The following COL22A1 variants were observed in gnomAD, a reference collection of about 807,000 sequenced individuals.
The protein encoded by COL22A1 is collagen alpha-1(XXII) chain.
Under a neutral mutation model 248.9 loss-of-function variants are expected in COL22A1, and 221 were observed. The observed-to-expected ratio is 0.89, with a 90% CI of 0.80 to 0.99. The LOEUF (loss-of-function observed/expected upper bound fraction) is 0.99, where lower values mean the gene tolerates loss of function less well. COL22A1 is among the 50% of genes least tolerant of loss of function. COL22A1 has a pLI of 0.00. For synonymous variants in COL22A1, 891 were observed against 793.4 expected, an observed-to-expected ratio of 1.12 and a Z score of -2.07; for missense variants, 2,240 against 2,179.0, an observed-to-expected ratio of 1.03 and a Z score of -0.56.
chr8:138,794,911 G>A (rs1299477554), intron 12 of COL22A1, among the ~76,000 whole-genome samples: 2 of 152,038 alleles, frequency 1.3e-5, no homozygotes, highest in African/African-American at 2.4e-5. Context: ...TGGGGGAGAG[G>A]AAATGGGGAG....
chr8:138,707,960 G>T (rs1300778102), intron 30 of COL22A1, among the ~76,000 whole-genome samples: 1 of 152,102 alleles, frequency 6.6e-6, no homozygotes, highest in Non-Finnish European at 1.5e-5. Context: ...AAATCAACGT[G>T]CAAAAATCAC....
At chr8:138,837,387 C>T (rs1214346012) in intron 4 of COL22A1, among the ~76,000 whole-genome samples, 2 of 152,206 alleles carry the variant, frequency 1.3e-5, no homozygotes, top group Non-Finnish European at 2.9e-5. Context: ...GGGAGACATT[C>T]ACCAAATGCA....
intron 33 of COL22A1, 76 bp from the exon 34 acceptor site, chr8:138,694,637 T>C (rs1423123425): frequency 5.2e-5 from 78 of 1,498,088 alleles, no homozygotes; most frequent in Non-Finnish European, 6.7e-5. Context: ...GCGGGGACGT[T>C]GCAATGGGTA....
chr8:138,811,296 T>C (rs9692820), intron 9 of COL22A1, among the ~76,000 whole-genome samples: 2,505 of 141,514 alleles, frequency 0.018, 38 homozygotes, highest in African/African-American at 0.031. Context: ...CACACACACA[T>C]ATATATATAC....
intron 7 of COL22A1, among the ~76,000 whole-genome samples, chr8:138,813,371 G>C (rs569710194): frequency 6.6e-6 from 1 of 152,278 alleles, no homozygotes; most frequent in South Asian, 2.1e-4. Context: ...AGTGTCACGA[G>C]ATCTGATGGT....
At chr8:138,771,396 C>T (rs1436609740) in intron 16 of COL22A1, among the ~76,000 whole-genome samples, 2 of 152,342 alleles carry the variant, frequency 1.3e-5, no homozygotes, top group East Asian at 3.9e-4. Flanking sequence ...TTCTAACAGG[C>T]CACAGGGCAT....
chr8:138,849,580 C>T (rs1041083893), intron 3 of COL22A1, among the ~76,000 whole-genome samples: 33 of 152,350 alleles, frequency 2.2e-4, no homozygotes, highest in African/African-American at 7.9e-4. Context: ...TCAACTGCCT[C>T]AGGTCACCCA....
intron 6 of COL22A1, among the ~76,000 whole-genome samples, chr8:138,822,631 C>T (rs1472039946): frequency 6.6e-6 from 1 of 152,138 alleles, no homozygotes; most frequent in African/African-American, 2.4e-5. Context: ...GCTCCCTGCT[C>T]CCAGGATCTG....
At position 138,684,345 on chromosome 8, in the gene COL22A1, G is replaced by A. The variant is rs954599174; in HGVS notation, c.3012+80C>T. 2.0e-5 allele frequency: 18 copies of A among 886,988 alleles called. No individual in the cohort carries two copies. In the African/African-American group the frequency reaches 2.9e-4, roughly 15 times the overall value. 54.9% of individuals were successfully genotyped at this position (886,988 alleles called of 1,614,324 possible). A position where few individuals can be genotyped will look rare whatever the true frequency, so the allele number is the denominator to read the frequency against. ...ATGGAAGTGGACTGAGGTAACCGGA[G>A]ATGCTTATAATCAATTTTTCCACGT... On this transcript the variant is annotated intron_variant, in intron 39 of 64. Transcript: ENST00000303045.
intron 21 of COL22A1, among the ~76,000 whole-genome samples, chr8:138,753,219 C>T (rs1404810016): frequency 1.3e-5 from 2 of 152,308 alleles, no homozygotes; most frequent in East Asian, 3.9e-4. Flanking sequence ...ACACCTGCCG[C>T]AGGGCTAGCT....
chr8:138,806,330 GTGA>G (rs1817728189), intron 10 of COL22A1, among the ~76,000 whole-genome samples: 1 of 151,770 alleles, frequency 6.6e-6, no homozygotes, highest in Non-Finnish European at 1.5e-5. Flanking sequence ...GTGTGTGTGT[GTGA>G]TGGTTTGTGT....
At chr8:138,715,965 C>T (rs1002338148) in intron 29 of COL22A1, among the ~76,000 whole-genome samples, 1 of 152,166 alleles carries the variant, frequency 6.6e-6, no homozygotes, top group Non-Finnish European at 1.5e-5. Context: ...ACAGATGGTG[C>T]CTTCCACCCC....
chr8:138,596,808 TTTC>T (rs779407857), intron 62 of COL22A1, 93 bp downstream of exon 62: 196 of 1,164,232 alleles, frequency 1.7e-4, no homozygotes, highest in Non-Finnish European at 2.2e-4. Context: ...GTCAAGTGCT[TTTC>T]TTATTCCAGG....
rs115563116 is a variant in COL22A1, at chr8:138,909,159, T to G, written c.-73+4460A>C. The stretch of plus-strand genomic sequence containing the variant: ...AGCTTGTGGCTGTTTTATTTGTACT[T>G]GTGTTTTATTTTGTTTTATTATAGG... On this transcript the variant is annotated intron_variant, in intron 1 of 64. Coordinates refer to ENST00000303045, the MANE Select transcript of COL22A1 (RefSeq NM_152888.3). Among the ~76,000 whole-genome samples the G allele has an allele frequency of 6.9e-3, 1,058 of 152,372 alleles. 12 individuals are homozygous for G. Among genetic ancestry groups the G allele is most frequent in the African/African-American group, 0.024 (984 of 41,580 alleles).
intron 3 of COL22A1, among the ~76,000 whole-genome samples, chr8:138,872,232 T>C (rs1823396797): frequency 6.6e-6 from 1 of 152,076 alleles, no homozygotes; most frequent in Non-Finnish European, 1.5e-5. Flanking sequence ...GAGTCAAAAC[T>C]CTCATTAAAT....
chr8:138,762,772 G>A (rs1359229288), intron 16 of COL22A1, among the ~76,000 whole-genome samples: 1 of 152,204 alleles, frequency 6.6e-6, no homozygotes, highest in Non-Finnish European at 1.5e-5. Flanking sequence ...GTTCATGGGG[G>A]TCAAACAAAG....
intron 16 of COL22A1, among the ~76,000 whole-genome samples, chr8:138,763,963 G>A (rs549332892): frequency 6.6e-6 from 1 of 152,326 alleles, no homozygotes; most frequent in Admixed American, 6.5e-5. Context: ...TGGAGCCTCA[G>A]TGTGGGCCCC....
At chr8:138,780,129 G>A (rs1343495636) in intron 13 of COL22A1, among the ~76,000 whole-genome samples, 1 of 152,206 alleles carries the variant, frequency 6.6e-6, no homozygotes, top group Non-Finnish European at 1.5e-5. Context: ...TTTGGAGAGA[G>A]CAGGGGGAAA....
At chr8:138,602,025 T>A in intron 60 of COL22A1, 90 bp downstream of exon 60, 1 of 1,409,620 alleles carries the variant, frequency 7.1e-7, no homozygotes, top group Non-Finnish European at 1.0e-6. Context: ...GTTTACTAAC[T>A]GCCTTGGACA....
Sources: allele counts gnomAD v4.1 joint callset (sites outside exome capture counted in the v4.1 genomes callset), GRCh38; gene constraint gnomAD v4.1.1; transcripts MANE v1.5; gene names NCBI Gene and HGNC (gene_info 2026-07-23, HGNC 2026-07-21).